Variants in UTRN observed in about 807,000 individuals in gnomAD.
UTRN encodes utrophin.
UTRN carries 283 observed loss-of-function variants against 463.9 expected under a neutral mutation model. The observed-to-expected ratio is 0.61, with a 90% CI of 0.55 to 0.67. The LOEUF is 0.67. Among genes scored for constraint, UTRN ranks in the 30% least tolerant of loss-of-function variants. The probability of loss-of-function intolerance (pLI) is 0.00; values close to 1 mark genes in which losing one functional copy is unlikely to be tolerated. For synonymous variants in UTRN, 1,442 were observed against 1,431.5 expected, an observed-to-expected ratio of 1.01 and a Z score of -0.17; for missense variants, 3,922 against 4,084.3, an observed-to-expected ratio of 0.96 and a Z score of 1.08.
chr6:144,305,529 G>A (rs1805650436), intron 2 of UTRN, among the ~76,000 whole-genome samples: 1 of 152,130 alleles, frequency 6.6e-6, no homozygotes, highest in African/African-American at 2.4e-5. Flanking sequence ...CAGTTCCTTG[G>A]AAGTAGGATT....
intron 46 of UTRN, among the ~76,000 whole-genome samples, chr6:144,547,326 A>G (rs543583600): frequency 1.3e-5 from 2 of 152,246 alleles, no homozygotes; most frequent in East Asian, 1.9e-4. Context: ...TCATCTTTCA[A>G]AGGCTTTTAA....
At chr6:144,670,811 T>C (rs185945595) in intron 51 of UTRN, among the ~76,000 whole-genome samples, 270 of 152,312 alleles carry the variant, frequency 1.8e-3, no homozygotes, top group African/African-American at 6.2e-3. Context: ...TTGATTTTTG[T>C]ATAAGGTGAG....
At chr6:144,784,670 G>A (rs541362705) in intron 61 of UTRN, among the ~76,000 whole-genome samples, 2 of 152,334 alleles carry the variant, frequency 1.3e-5, no homozygotes, top group South Asian at 4.1e-4. Flanking sequence ...AGGGAATAGT[G>A]CCACTTGGTT....
At position 144,522,984 on chromosome 6, in the gene UTRN, G is replaced by A. The variant is rs780465150; in HGVS notation, c.5734-32G>A. On this transcript the variant is annotated intron_variant, in intron 40 of 74. Coordinates refer to ENST00000367545, the MANE Select transcript of UTRN (RefSeq NM_007124.3). ...GATTCCTTTTTTTGTTACTTTGCTG[G>A]ATTTTGTTAATCTATGACAATATAT... The A allele has an allele frequency of 2.7e-6, 4 of 1,487,610 alleles. No individual in the cohort carries two copies. In the Admixed American group the frequency reaches 9.1e-5, roughly 34 times the overall value. The allele number at this position is 1,487,610 out of a possible 1,614,324, so 92.2% of individuals were successfully genotyped here.
At chr6:144,294,477 T>A (rs1424299904) in intron 2 of UTRN, among the ~76,000 whole-genome samples, 1 of 152,230 alleles carries the variant, frequency 6.6e-6, no homozygotes, top group Non-Finnish European at 1.5e-5. Context: ...CATATATGTA[T>A]TTTAAAGATC....
intron 11 of UTRN, 29 bp from the exon 12 acceptor site, chr6:144,438,716 A>G: frequency 6.2e-7 from 1 of 1,612,216 alleles, no homozygotes; most frequent in African/African-American, 1.3e-5. Flanking sequence ...AAAGGCTTGT[A>G]GGAATAATGC....
intron 62 of UTRN, among the ~76,000 whole-genome samples, chr6:144,791,471 C>T (rs1309436896): frequency 6.6e-6 from 1 of 151,536 alleles, no homozygotes; most frequent in Non-Finnish European, 1.5e-5. Context: ...ACTTGGGAGA[C>T]TAAGGTGGGA....
intron 58 of UTRN, among the ~76,000 whole-genome samples, chr6:144,768,857 G>T (rs1326509052): frequency 6.6e-6 from 1 of 151,938 alleles, no homozygotes; most frequent in African/African-American, 2.4e-5. Context: ...AAAACTGGAT[G>T]GCTGGCCAGC....
intron 2 of UTRN, among the ~76,000 whole-genome samples, chr6:144,340,044 A>G (rs895875516): frequency 6.1e-4 from 93 of 152,280 alleles, no homozygotes; most frequent in African/African-American, 2.1e-3. Flanking sequence ...GTGCCCACCC[A>G]TAATCCCAGC....
At chr6:144,716,623 AAAT>A (rs1423526232) in intron 53 of UTRN, among the ~76,000 whole-genome samples, 2 of 152,202 alleles carry the variant, frequency 1.3e-5, no homozygotes, top group Non-Finnish European at 2.9e-5. Context: ...TTAATTATGA[AAAT>A]AATAACATAT....
intron 51 of UTRN, among the ~76,000 whole-genome samples, chr6:144,635,565 A>T (rs1585699931): frequency 1.9e-5 from 1 of 51,838 alleles, no homozygotes; most frequent in Non-Finnish European, 3.7e-5. Context: ...TTTGAGAGGG[A>T]GTCTTACTTT....
chr6:144,289,169 T>C (rs1371173044), intron 1 of UTRN, among the ~76,000 whole-genome samples: 1 of 152,200 alleles, frequency 6.6e-6, no homozygotes, highest in African/African-American at 2.4e-5. Context: ...CCAAATCACA[T>C]TGATGATTCC....
chr6:144,395,755 A>G (rs1782348630), intron 2 of UTRN, among the ~76,000 whole-genome samples: 1 of 152,128 alleles, frequency 6.6e-6, no homozygotes, highest in African/African-American at 2.4e-5. Context: ...ATGCTGTTAA[A>G]CTTGAACTCA....
Position 144,474,637 on chromosome 6 carries a change from T to C in UTRN, c.3214T>C (p.Ser1072Pro). ...FVNEIETIES[S>P]LKNMKEIETN... Reference sequence around the variant, plus strand: ...TAATGAAATAGAAACAATTGAATCATCTCTGAAAAACATGAAGGAAATAGA... The same window carrying C: ...TAATGAAATAGAAACAATTGAATCACCTCTGAAAAACATGAAGGAAATAGA... The change falls in exon 25 of 75, where the codon TCT becomes CCT. Residue 1072 changes from serine (S) to proline (P), a missense_variant. Transcript: ENST00000367545. The C allele has an allele frequency of 6.2e-7, 1 of 1,613,342 alleles. No individual in the cohort carries two copies. The highest frequency in any genetic ancestry group is 8.5e-7 in the Non-Finnish European group (1 of 1,179,802).
At chr6:144,674,105 C>T (rs960289017) in intron 51 of UTRN, among the ~76,000 whole-genome samples, 33 of 152,208 alleles carry the variant, frequency 2.2e-4, no homozygotes, top group Middle Eastern at 3.4e-3. Flanking sequence ...TTTAGATAAC[C>T]TGATGACTGT....
At chr6:144,509,175 T>G (rs1794960868) in intron 34 of UTRN, among the ~76,000 whole-genome samples, 3 of 152,186 alleles carry the variant, frequency 2.0e-5, no homozygotes, top group Admixed American at 2.0e-4. Flanking sequence ...CATATATGTC[T>G]CATTTTTGTC....
At chr6:144,783,795 C>T (rs1386763839) in intron 61 of UTRN, among the ~76,000 whole-genome samples, 1 of 152,074 alleles carries the variant, frequency 6.6e-6, no homozygotes, top group Non-Finnish European at 1.5e-5. Context: ...ATAACAAAGT[C>T]TTTCTAAATA....
chr6:144,683,150 A>G (rs566056397), intron 52 of UTRN, among the ~76,000 whole-genome samples: 2 of 152,244 alleles, frequency 1.3e-5, no homozygotes, highest in African/African-American at 4.8e-5. Flanking sequence ...AGTGAAGGTG[A>G]GTGGAGCTGT....
chr6:144,303,265 G>A lies in UTRN; in HGVS notation c.79+11358G>A, dbSNP rs189803994. On this transcript the variant is annotated intron_variant, in intron 2 of 74. Coordinates refer to ENST00000367545, the MANE Select transcript of UTRN (RefSeq NM_007124.3). ...TGTGCAAAGCCTCAATGTAAACTTC[G>A]CCTTTGTGGGATTTGTTAGTTAGTA... Among the ~76,000 whole-genome samples, 537 of 152,280 alleles carry A rather than the reference G, an allele frequency of 3.5e-3. 3 individuals carry two copies. Among genetic ancestry groups the A allele is most frequent in the Non-Finnish European group, 5.8e-3 (394 of 68,016 alleles).
Sources: gnomAD v4.1 joint callset for allele counts (sites outside exome capture counted in the v4.1 genomes callset) on GRCh38, gnomAD v4.1.1 for gene constraint, MANE v1.5 for transcripts, NCBI Gene and HGNC (gene_info 2026-07-23, HGNC 2026-07-21) for gene names.